AP2B1: variants seen among roughly 807,000 people sequenced by gnomAD.
AP2B1 encodes adaptor related protein complex 2 subunit beta 1, also known as AP-2 complex subunit beta.
AP2B1 carries 23 observed loss-of-function variants against 102.0 expected under a neutral mutation model. The observed-to-expected ratio is 0.23, with a 90% CI of 0.16 to 0.32. AP2B1 has a LOEUF of 0.32. AP2B1 is among the 10% of genes least tolerant of loss of function. AP2B1 has a pLI of 1.00. For synonymous variants in AP2B1, 381 were observed against 421.2 expected (o/e 0.90, Z 1.17); for missense variants, 541 against 1,157.4 (o/e 0.47, Z 7.73).
intron 14 of AP2B1, 128 bp from the exon 15 acceptor site, chr17:35,670,729 G>T: frequency 1.1e-6 from 1 of 918,316 alleles, no homozygotes. Context: ...TTTAGGCTTT[G>T]GGAGACAAGT....
intron 16 of AP2B1, 149 bp downstream of exon 16, chr17:35,672,049 A>C: frequency 2.7e-6 from 2 of 751,426 alleles, no homozygotes; most frequent in Non-Finnish European, 2.0e-6. Context: ...AGGTGGCTTC[A>C]AACTTAGCAG....
At chr17:35,606,942 G>C (rs1598012784) in intron 4 of AP2B1, among the ~76,000 whole-genome samples, 1 of 136,388 alleles carries the variant, frequency 7.3e-6, no homozygotes, top group African/African-American at 2.8e-5. Flanking sequence ...TTTCACTCTT[G>C]TTGCCCGGGC....
intron 5 of AP2B1, among the ~76,000 whole-genome samples, chr17:35,614,617 T>C (rs1005847072): frequency 3.4e-5 from 5 of 148,716 alleles, no homozygotes; most frequent in African/African-American, 1.2e-4. Context: ...TGCTTCATTG[T>C]TCTGTCCTCT....
At chr17:35,606,546 AT>A (rs952418484) in intron 4 of AP2B1, among the ~76,000 whole-genome samples, 62 of 151,936 alleles carry the variant, frequency 4.1e-4, no homozygotes, top group African/African-American at 1.4e-3. Context: ...GGCGTGATTA[AT>A]TTTTTTTAAT....
chr17:35,621,651 G>A (rs1353317467), intron 5 of AP2B1, among the ~76,000 whole-genome samples: 1 of 152,092 alleles, frequency 6.6e-6, no homozygotes, highest in Admixed American at 6.6e-5. Context: ...ATGATAAGTG[G>A]CAATTGCCTA....
At chr17:35,674,533 C>T (rs954945983) in intron 17 of AP2B1, among the ~76,000 whole-genome samples, 2 of 152,028 alleles carry the variant, frequency 1.3e-5, no homozygotes, top group African/African-American at 4.8e-5. Flanking sequence ...GGTGAAACCC[C>T]GTCTCTACTG....
At chr17:35,597,014 C>T (rs868464521) in intron 2 of AP2B1, 6 of 629,678 alleles carry the variant, frequency 9.5e-6, no homozygotes, top group Admixed American at 4.1e-5. Context: ...CGGTCCAGCT[C>T]GGACACAGGT....
At chr17:35,634,725 T>A (rs981935372) in intron 9 of AP2B1, among the ~76,000 whole-genome samples, 3 of 152,208 alleles carry the variant, frequency 2.0e-5, no homozygotes, top group Non-Finnish European at 4.4e-5. Context: ...GTGTTTTGGA[T>A]CATGTGTAAC....
Position 35,612,037 on chromosome 17 carries a change from T to G in AP2B1, c.525+3650T>G, listed in dbSNP as rs941558645. On this transcript the variant is annotated intron_variant, in intron 5 of 21. Coordinates refer to ENST00000610402, the MANE Select transcript of AP2B1 (RefSeq NM_001030006.2). ...CTTGGTAGATTTTTGAGAAACAGTT[T>G]CAGGAATACCTCATATTTTGTTGTC... 5.9e-5 allele frequency among the ~76,000 whole-genome samples: 9 copies of G among 152,226 alleles called. No homozygotes were observed. In the East Asian group the frequency reaches 1.5e-3, roughly 26 times the overall value.
At chr17:35,699,186 TA>T (rs1489576894) in intron 18 of AP2B1, among the ~76,000 whole-genome samples, 2 of 152,230 alleles carry the variant, frequency 1.3e-5, no homozygotes, top group African/African-American at 2.4e-5. Flanking sequence ...ATTGCCTTTT[TA>T]AAGCCCAATA....
chr17:35,611,535 C>T (rs1196185040), intron 5 of AP2B1, among the ~76,000 whole-genome samples: 2 of 152,086 alleles, frequency 1.3e-5, no homozygotes, highest in African/African-American at 4.8e-5. Flanking sequence ...GATCTTTATC[C>T]AGATAAACCG....
chr17:35,650,403 GAAGTATCTTCTT>G, intron 12 of AP2B1, 115 bp from the exon 13 acceptor site: 1 of 1,152,102 alleles, frequency 8.7e-7, no homozygotes, highest in Non-Finnish European at 1.2e-6. Flanking sequence ...CATCCAGCCT[GAAGTATCTTCTT>G]AATACCCAGT....
At chr17:35,652,212 T>G (rs935709369) in intron 13 of AP2B1, among the ~76,000 whole-genome samples, 3 of 152,248 alleles carry the variant, frequency 2.0e-5, no homozygotes, top group Non-Finnish European at 1.5e-5. Context: ...TTTTGTCATT[T>G]GTGCATGTTT....
At chr17:35,701,860 C>T (rs936985549) in intron 18 of AP2B1, among the ~76,000 whole-genome samples, 3 of 152,198 alleles carry the variant, frequency 2.0e-5, no homozygotes, top group Non-Finnish European at 2.9e-5. Context: ...TTAAGTGATC[C>T]TCCTTCCGCC....
intron 21 of AP2B1, among the ~76,000 whole-genome samples, chr17:35,720,541 T>TTTTATATATATA (rs1175137394): frequency 3.8e-5 from 4 of 105,262 alleles, no homozygotes; most frequent in Non-Finnish European, 7.6e-5. Flanking sequence ...TATTTTTATT[T>TTTTATATATATA]TATTTATATA....
chr17:35,691,195 A>G (rs1343583007), intron 18 of AP2B1, among the ~76,000 whole-genome samples: 1 of 152,206 alleles, frequency 6.6e-6, no homozygotes, highest in Admixed American at 6.5e-5. Context: ...TGCAAAGGAC[A>G]CGATCTTACA....
intron 16 of AP2B1, among the ~76,000 whole-genome samples, chr17:35,672,277 C>T (rs771050054): frequency 1.3e-5 from 2 of 152,122 alleles, no homozygotes; most frequent in African/African-American, 2.4e-5. Context: ...ATTGGTATTA[C>T]GTATGGATTC....
chr17:35,598,595 C>T (rs984354556), intron 3 of AP2B1, among the ~76,000 whole-genome samples: 38 of 152,250 alleles, frequency 2.5e-4, no homozygotes, highest in Admixed American at 2.2e-3. Context: ...TCTAGCATAA[C>T]ACCTCCTGAG....
chr17:35,619,037 C>T (rs2074100068), intron 5 of AP2B1, among the ~76,000 whole-genome samples: 1 of 152,160 alleles, frequency 6.6e-6, no homozygotes, highest in Non-Finnish European at 1.5e-5. Context: ...TTGAAGTTCA[C>T]AAGTCTTGGA....
Sources: gnomAD v4.1 joint callset for allele counts (sites outside exome capture counted in the v4.1 genomes callset) on GRCh38, gnomAD v4.1.1 for gene constraint, MANE v1.5 for transcripts, NCBI Gene and HGNC (gene_info 2026-07-23, HGNC 2026-07-21) for gene names.